Variants in TARM1 observed in about 807,000 individuals in gnomAD.
The protein encoded by TARM1 is T cell-interacting, activating receptor on myeloid cells 1, also known as T-cell-interacting, activating receptor on myeloid cells protein 1.
A neutral mutation model predicts 30.4 loss-of-function variants in TARM1; 24 were observed. The ratio of observed to expected loss-of-function variants is 0.79; its 90% CI spans 0.57 to 1.11. The LOEUF (loss-of-function observed/expected upper bound fraction) is 1.11. Ranked by LOEUF, TARM1 falls within the 50% of genes least tolerant of loss-of-function variation. The pLI is 0.00. For missense variants in TARM1, 323 were observed against 332.8 expected, an observed-to-expected ratio of 0.97 and a Z score of 0.23; for synonymous variants, 129 against 138.9, an observed-to-expected ratio of 0.93 and a Z score of 0.50.
intron 4 of TARM1, among the ~76,000 whole-genome samples, chr19:54,071,331 T>C (rs1226971970): frequency 6.6e-6 from 1 of 152,140 alleles, no homozygotes; most frequent in Non-Finnish European, 1.5e-5. Context: ...CCACCTTAGC[T>C]CTCTTCCTTC....
At chr19:54,080,056 G>A (rs1191192186) in intron 1 of TARM1, among the ~76,000 whole-genome samples, 6 of 135,992 alleles carry the variant, frequency 4.4e-5, no homozygotes, top group Non-Finnish European at 9.5e-5. Context: ...AAGGGAAAGA[G>A]AGAGAGGAAG....
At chr19:54,080,124 G>GAAAGA (rs2072071050) in intron 1 of TARM1, among the ~76,000 whole-genome samples, 410 of 31,252 alleles carry the variant, frequency 0.013, 73 homozygotes, top group Middle Eastern at 0.034. Flanking sequence ...AGGAAGGAAG[G>GAAAGA]AAGGAAGGAA....
At chr19:54,076,049 T>C (rs1035860681) in intron 1 of TARM1, 131 bp from the exon 2 acceptor site, 25 of 1,437,600 alleles carry the variant, frequency 1.7e-5, no homozygotes, top group Non-Finnish European at 2.3e-5. Flanking sequence ...TCAGGAGTTC[T>C]CATTCTCCCC....
chr19:54,080,033 G>GAAGGAAGGAAGA (rs1351465791), intron 1 of TARM1, among the ~76,000 whole-genome samples: 1 of 136,952 alleles, frequency 7.3e-6, no homozygotes, highest in Admixed American at 7.6e-5. Context: ...AGGAAGGAAG[G>GAAGGAAGGAAGA]AAGGAAGGAA....
intron 4 of TARM1, among the ~76,000 whole-genome samples, chr19:54,071,352 T>C (rs1205150127): frequency 6.6e-6 from 1 of 152,168 alleles, no homozygotes; most frequent in Non-Finnish European, 1.5e-5. Flanking sequence ...GTTTATTTGC[T>C]CTTTATCCCA....
At chr19:54,077,168 G>T (rs587660647) in intron 1 of TARM1, among the ~76,000 whole-genome samples, 1 of 152,008 alleles carries the variant, frequency 6.6e-6, no homozygotes, top group African/African-American at 2.4e-5. Context: ...GGATCACGAG[G>T]TCAGGAGTTG....
At chr19:54,080,019 G>GGGAAGGAAGGAAGGAAGGAAGGAA (rs71195717) in intron 1 of TARM1, among the ~76,000 whole-genome samples, 1,522 of 83,112 alleles carry the variant, frequency 0.018, 52 homozygotes, top group African/African-American at 0.038. Context: ...AGGAAAAGGA[G>GGGAAGGAAGGAAGGAAGGAAGGAA]GGAAGGAAGG....
At chr19:54,073,804 AT>A in intron 4 of TARM1, 115 bp downstream of exon 4, 1 of 1,336,082 alleles carries the variant, frequency 7.5e-7, no homozygotes, top group Non-Finnish European at 1.0e-6. Flanking sequence ...GAAAGGGAAG[AT>A]TTTGTTAAGA....
chr19:54,073,790 G>T, intron 4 of TARM1, 130 bp downstream of exon 4: 1 of 1,226,106 alleles, frequency 8.2e-7, no homozygotes, highest in Non-Finnish European at 1.1e-6. Flanking sequence ...ACCACGCCAG[G>T]CCAGAAAGGG....
intron 2 of TARM1, among the ~76,000 whole-genome samples, 195 bp from the exon 3 acceptor site, chr19:54,075,309 T>C (rs1273591476): frequency 6.6e-6 from 1 of 151,844 alleles, no homozygotes; most frequent in Non-Finnish European, 1.5e-5. Flanking sequence ...TGCCTCAGCC[T>C]CCCAAGTAGG....
chr19:54,078,189 T>C (rs1347244973), intron 1 of TARM1, among the ~76,000 whole-genome samples: 5 of 132,444 alleles, frequency 3.8e-5, no homozygotes, highest in South Asian at 2.6e-4. Context: ...TTTTTTTTTT[T>C]TTTTTTTTTT....
At chr19:54,080,482 G>GAC (rs2072097115) in intron 1 of TARM1, among the ~76,000 whole-genome samples, 1 of 109,680 alleles carries the variant, frequency 9.1e-6, no homozygotes, top group African/African-American at 3.7e-5. Flanking sequence ...GAAAGAGAGA[G>GAC]AGAGGAAGGA....
chr19:54,078,205 A>T (rs1321570403), intron 1 of TARM1, among the ~76,000 whole-genome samples: 85 of 42,012 alleles, frequency 2.0e-3, no homozygotes, highest in African/African-American at 5.9e-3. Flanking sequence ...TTTTTTTTTG[A>T]GGCAGGGTCT....
chr19:54,073,920 C>T lies in TARM1; in HGVS notation c.658G>A (p.Val220Ile), dbSNP rs1226150886. 6.4e-7 allele frequency: 1 copy of T among 1,550,896 alleles called. No homozygotes were observed. The highest frequency in any genetic ancestry group is 1.4e-5 in the African/African-American group (1 of 73,024). The change falls in exon 4 of 5, where the codon GTT (valine) becomes ATT (isoleucine). Residue 220 changes from valine (V) to isoleucine (I), a missense_variant and splice_region_variant. Physicochemically the swap from Val to Ile is conservative, Grantham distance 29. Coordinates refer to ENST00000432826, the MANE Select transcript of TARM1 (RefSeq NM_001135686.3). The part of the protein sequence containing the change: ...PSDQLEILVT[V>I]PPGTTSSNYS... The stretch of plus-strand genomic sequence containing the variant: ...TCCTCAAAACCATACACGCCCTTAC[C>T]TGTCACCAATATCTCAAGCTGATCA...
rs1207323561 is a variant in TARM1 at position 54,074,825 on chromosome 19, T to C, written c.360A>G (p.Thr120=). The C allele has an allele frequency of 2.6e-6, 4 of 1,551,086 alleles. No homozygotes were observed. In the Admixed American group the frequency reaches 5.9e-5, roughly 23 times the overall value. The change falls in exon 3 of 5, where the codon ACA becomes ACG. Residue 120 remains threonine (T), a splice_region_variant and synonymous_variant. Coordinates refer to ENST00000432826, the MANE Select transcript of TARM1 (RefSeq NM_001135686.3). ...CATTGGCAGGCACCCTGTCTGTACC[T>C]GTCACCAACAGTAGAAGGACGTCAC... ...QHSDVLLLLV[T]GHLSKPFLRT...
At position 54,074,812 on chromosome 19, in the gene TARM1, C is replaced by A. The variant is rs1396617716; in HGVS notation, c.361+12G>T. The A allele has an allele frequency of 3.2e-6, 5 of 1,548,420 alleles. No homozygotes were observed. Among genetic ancestry groups the A allele is most frequent in the African/African-American group, 1.4e-5 (1 of 72,980 alleles). ...GTCCCCCGTATGTCATTGGCAGGCA[C>A]CCTGTCTGTACCTGTCACCAACAGT... On this transcript the variant is annotated intron_variant, in intron 3 of 4. Transcript: ENST00000432826.
In TARM1 at chr19:54,070,107, C is replaced by G; in HGVS notation, c.712G>C (p.Gly238Arg). 1 of 1,551,584 alleles carries G rather than the reference C, an allele frequency of 6.4e-7. No homozygotes were observed. Reference protein sequence around the residue: ...NYSLGNFVRLGLAAVIVVIMG... With the variant: ...NYSLGNFVRLRLAAVIVVIMG... The stretch of plus-strand genomic sequence containing the variant: ...ATAACCACAATTACGGCAGCCAGAC[C>G]CAGTCGTACGAAGTTACCCAGGGAG... Residue 238 changes from glycine to arginine, a missense_variant, in exon 5 of 5, where the codon GGT becomes CGT. Coordinates refer to ENST00000432826, the MANE Select transcript of TARM1 (RefSeq NM_001135686.3).
chr19:54,080,143 G>GAAAGAAA (rs2072077714), intron 1 of TARM1, among the ~76,000 whole-genome samples: 3 of 84,758 alleles, frequency 3.5e-5, no homozygotes, highest in Non-Finnish European at 5.1e-5. Context: ...AAGGAAGAAA[G>GAAAGAAA]CAAGCAAGCA....
At chr19:54,075,319 G>C (rs59783461) in intron 2 of TARM1, among the ~76,000 whole-genome samples, 3 of 151,636 alleles carry the variant, frequency 2.0e-5, no homozygotes, top group Non-Finnish European at 4.4e-5. Context: ...TCCCAAGTAG[G>C]TGGGATTACA....
Sources: allele counts gnomAD v4.1 joint callset (sites outside exome capture counted in the v4.1 genomes callset), GRCh38; gene constraint gnomAD v4.1.1; transcripts MANE v1.5; gene names NCBI Gene and HGNC (gene_info 2026-07-23, HGNC 2026-07-21).